Variants in EYA3 observed in about 807,000 individuals in gnomAD.
EYA3 encodes the protein protein phosphatase EYA3.
A neutral mutation model predicts 80.0 loss-of-function variants in EYA3; 39 were observed. The observed-to-expected ratio is 0.49, with a 90% CI of 0.38 to 0.64. The LOEUF is 0.64. Ranked by LOEUF, EYA3 falls within the 30% of genes least tolerant of loss-of-function variation. The pLI, the probability that EYA3 is intolerant of heterozygous loss-of-function variation, is 0.00. For synonymous variants in EYA3, 206 were observed against 232.8 expected, an observed-to-expected ratio of 0.88 and a Z score of 1.05; for missense variants, 523 against 676.1, an observed-to-expected ratio of 0.77 and a Z score of 2.51.
intron 1 of EYA3, among the ~76,000 whole-genome samples, chr1:28,059,162 A>G (rs1368241049): frequency 6.6e-6 from 1 of 152,252 alleles, no homozygotes; most frequent in Non-Finnish European, 1.5e-5. Flanking sequence ...GCAATACAAC[A>G]CAACTTTATT....
chr1:28,073,470 T>C (rs1183494604), intron 1 of EYA3, among the ~76,000 whole-genome samples: 3 of 151,562 alleles, frequency 2.0e-5, no homozygotes, highest in African/African-American at 7.3e-5. Flanking sequence ...GCTAATTTTT[T>C]TGTATTTTTA....
At chr1:27,986,125 G>A (rs1264944176) in intron 16 of EYA3, among the ~76,000 whole-genome samples, 1 of 151,996 alleles carries the variant, frequency 6.6e-6, no homozygotes, top group Non-Finnish European at 1.5e-5. Context: ...CAGCACTTTG[G>A]GAAGCTGAGG....
intron 7 of EYA3, among the ~76,000 whole-genome samples, chr1:28,024,276 T>A (rs562126681): frequency 6.6e-6 from 1 of 151,598 alleles, no homozygotes; most frequent in East Asian, 2.0e-4. Context: ...AAAACATCTA[T>A]TAATAAAAAT....
chr1:28,038,951 G>T, intron 4 of EYA3, 46 bp from the exon 5 acceptor site: 1 of 1,329,806 alleles, frequency 7.5e-7, no homozygotes, highest in Non-Finnish European at 1.1e-6. Context: ...AGAACATTTC[G>T]AAAATGGAAT....
At chr1:28,057,446 T>C (rs1482360195) in intron 2 of EYA3, among the ~76,000 whole-genome samples, 2 of 152,146 alleles carry the variant, frequency 1.3e-5, no homozygotes, top group African/African-American at 2.4e-5. Context: ...CTATTGCTTT[T>C]GTTTTTTAAA....
At position 27,971,505 on chromosome 1, in the gene EYA3, A is replaced by C. The variant is rs1251754118; in HGVS notation, c.*2961T>G. 1 of 151,912 alleles carries C rather than the reference A, an allele frequency of 6.6e-6. No individual in the cohort carries two copies. The highest frequency in any genetic ancestry group is 1.5e-5 in the Non-Finnish European group (1 of 68,226). 9.4% of individuals were successfully genotyped at this position (151,912 alleles called of 1,614,324 possible). On this transcript the variant is annotated 3_prime_UTR_variant, in exon 18 of 18. Transcript: ENST00000373871. The stretch of plus-strand genomic sequence containing the variant: ...GCTAATCAGGAGGCTGAGGTAGGAG[A>C]ATCGCTTGAACCTGGGAGGCGGAGG...
At chr1:28,025,947 C>A (rs771175648) in intron 7 of EYA3, among the ~76,000 whole-genome samples, 2 of 151,920 alleles carry the variant, frequency 1.3e-5, no homozygotes, top group Non-Finnish European at 2.9e-5. Flanking sequence ...TTAGTAGAGA[C>A]GGGGTTTCTC....
intron 11 of EYA3, among the ~76,000 whole-genome samples, chr1:28,002,001 C>T (rs1328488976): frequency 2.6e-5 from 4 of 151,976 alleles, no homozygotes; most frequent in Non-Finnish European, 4.4e-5. Flanking sequence ...CCGCAACCTC[C>T]GCCTCCCAGG....
At chr1:28,042,317 T>C (rs1171921672) in intron 4 of EYA3, among the ~76,000 whole-genome samples, 2 of 152,156 alleles carry the variant, frequency 1.3e-5, no homozygotes, top group Non-Finnish European at 2.9e-5. Context: ...CTTTAAAACA[T>C]CCAATCTCAA....
At chr1:28,034,396 A>T (rs964023426) in intron 6 of EYA3, among the ~76,000 whole-genome samples, 9 of 152,238 alleles carry the variant, frequency 5.9e-5, no homozygotes, top group African/African-American at 2.2e-4. Flanking sequence ...ACATATTCAC[A>T]GAGGGGTCTT....
intron 16 of EYA3, among the ~76,000 whole-genome samples, chr1:27,979,278 T>G (rs1462635562): frequency 6.6e-6 from 1 of 152,240 alleles, no homozygotes; most frequent in Non-Finnish European, 1.5e-5. Context: ...CTCCAATTCT[T>G]CATTTCCCAG....
intron 12 of EYA3, among the ~76,000 whole-genome samples, chr1:27,999,216 T>C (rs941997906): frequency 6.6e-6 from 1 of 152,338 alleles, no homozygotes; most frequent in South Asian, 2.1e-4. Context: ...TCCCTCTCCA[T>C]AGATGGTAAT....
chr1:28,073,457 C>T (rs1192702272), intron 1 of EYA3, among the ~76,000 whole-genome samples: 2 of 151,448 alleles, frequency 1.3e-5, no homozygotes, highest in East Asian at 3.9e-4. Flanking sequence ...GCCACCATGC[C>T]TGGCTAATTT....
In EYA3 at chr1:28,013,828, C is replaced by A. The variant is rs560492073; in HGVS notation, c.586-534G>T. On this transcript the variant is annotated intron_variant, in intron 8 of 17. Coordinates refer to ENST00000373871, the MANE Select transcript of EYA3 (RefSeq NM_001990.4). This position sits in a 1 kb window ranked among gnomAD's most constrained non-coding sequence, Gnocchi z 4.0. Reference sequence around the variant, plus strand: ...CTGTAATCTCAGCACTTTGGAAGGCCAAGATGGGTGGATCACTTGAGGTCA... The same window carrying A: ...CTGTAATCTCAGCACTTTGGAAGGCAAAGATGGGTGGATCACTTGAGGTCA... Among the ~76,000 whole-genome samples, 28 of 152,264 alleles carry A rather than the reference C, an allele frequency of 1.8e-4. No homozygotes were observed. The highest frequency in any genetic ancestry group is 3.4e-3 in the Middle Eastern group (1 of 294).
At chr1:28,087,923 C>G (rs1645723372) in intron 1 of EYA3, among the ~76,000 whole-genome samples, 1 of 152,214 alleles carries the variant, frequency 6.6e-6, no homozygotes, top group African/African-American at 2.4e-5. Flanking sequence ...TAAGGCAAAA[C>G]TTCCCCCAGG....
At chr1:28,051,006 G>A (rs1370945727) in intron 2 of EYA3, among the ~76,000 whole-genome samples, 1 of 152,174 alleles carries the variant, frequency 6.6e-6, no homozygotes, top group Non-Finnish European at 1.5e-5. Flanking sequence ...AAAGATTCAA[G>A]TAGCAACCAG....
intron 11 of EYA3, among the ~76,000 whole-genome samples, chr1:28,003,006 C>T (rs1407341165): frequency 6.6e-6 from 1 of 150,674 alleles, no homozygotes; most frequent in Non-Finnish European, 1.5e-5. Flanking sequence ...CTTGTAATCC[C>T]AGCATTTTGG....
In EYA3 at chr1:28,043,666, C is replaced by T. The variant is rs553430380; in HGVS notation, c.78-1016G>A. 1.1e-4 allele frequency among the ~76,000 whole-genome samples: 17 copies of T among 152,182 alleles called. No individual in the cohort carries two copies. The South Asian group carries it at 2.9e-3, about 26-fold the overall frequency. On this transcript the variant is annotated intron_variant, in intron 3 of 17. Transcript: ENST00000373871. ...CAGCCTGACCAACATGGTAAAACCC[C>T]GTCTCTACTAAAAATACAAAAATTA... is the stretch of plus-strand genomic sequence containing the variant.
chr1:28,080,574 C>T (rs934902891), intron 1 of EYA3, among the ~76,000 whole-genome samples: 1 of 150,366 alleles, frequency 6.7e-6, no homozygotes, highest in African/African-American at 2.5e-5. Flanking sequence ...TTAATATGTA[C>T]ATATATGTGT....
Sources: allele counts gnomAD v4.1 joint callset (sites outside exome capture counted in the v4.1 genomes callset), GRCh38; gene constraint gnomAD v4.1.1; non-coding constraint Gnocchi (gnomAD v3.1); transcripts MANE v1.5; gene names NCBI Gene and HGNC (gene_info 2026-07-23, HGNC 2026-07-21).